The following ABHD18 variants were observed in gnomAD, a reference collection of about 807,000 sequenced individuals.
The protein encoded by ABHD18 is cardiolipin-specific deacylase, mitochondrial.
In ABHD18, 55 loss-of-function variants were observed where a neutral mutation model predicts 65.9. The ratio of observed to expected loss-of-function variants is 0.84; its 90% confidence interval spans 0.67 to 1.05. The LOEUF (loss-of-function observed/expected upper bound fraction) is 1.05, where lower values mean the gene tolerates loss of function less well. Ranked by LOEUF, ABHD18 falls within the 50% of genes least tolerant of loss-of-function variation. The pLI is 0.00. For synonymous variants in ABHD18, 181 were observed against 180.2 expected (o/e 1.00, Z -0.04); for missense variants, 533 against 558.5 (o/e 0.95, Z 0.46).
chr4:127,997,766 C>G (rs1358806154), intron 4 of ABHD18, among the ~76,000 whole-genome samples: 2 of 152,162 alleles, frequency 1.3e-5, no homozygotes, highest in Non-Finnish European at 2.9e-5. Flanking sequence ...TACTAGCTCT[C>G]ATCTTCCTCC....
chr4:127,996,943 C>T (rs1279216622), intron 4 of ABHD18, among the ~76,000 whole-genome samples: 2 of 152,182 alleles, frequency 1.3e-5, no homozygotes, highest in Non-Finnish European at 2.9e-5. Flanking sequence ...TTTCAGGGTG[C>T]ACTGATTTCA....
intron 1 of ABHD18, among the ~76,000 whole-genome samples, chr4:127,973,691 C>A (rs1747293043): frequency 6.6e-6 from 1 of 151,936 alleles, no homozygotes. Context: ...CTGTGGCTCA[C>A]ACTTATTTTC....
intron 4 of ABHD18, among the ~76,000 whole-genome samples, chr4:127,998,762 T>C (rs959808048): frequency 6.6e-6 from 1 of 152,134 alleles, no homozygotes; most frequent in Admixed American, 6.5e-5. Context: ...GGCAAAGAAC[T>C]AAATAAGATA....
At chr4:127,973,788 G>T (rs1747316471) in intron 1 of ABHD18, among the ~76,000 whole-genome samples, 1 of 134,140 alleles carries the variant, frequency 7.5e-6, no homozygotes, top group African/African-American at 2.9e-5. Flanking sequence ...GCCTCCAGGA[G>T]CAGAGGCTGG....
intron 4 of ABHD18, chr4:128,001,824 A>T (rs747389368): frequency 2.8e-6 from 4 of 1,442,898 alleles, no homozygotes; most frequent in African/African-American, 1.6e-5. Context: ...TAGTGGTTAG[A>T]TGTTGAGTTT....
intron 4 of ABHD18, among the ~76,000 whole-genome samples, chr4:127,998,388 C>T (rs966419940): frequency 4.0e-5 from 6 of 151,084 alleles, no homozygotes; most frequent in South Asian, 4.2e-4. Flanking sequence ...CTCCTGTTCC[C>T]GCCACCACAC....
At chr4:128,034,026 T>C (rs1307087385) in intron 12 of ABHD18, among the ~76,000 whole-genome samples, 2 of 149,894 alleles carry the variant, frequency 1.3e-5, no homozygotes, top group Admixed American at 6.7e-5. Context: ...TGGCGCGATC[T>C]TGGCTCACTG....
At position 128,028,494 on chromosome 4, in the gene ABHD18, G is replaced by C; in HGVS notation, c.821G>C (p.Gly274Ala). The change falls in exon 11 of 13, where the codon GGA becomes GCA. Residue 274 changes from glycine (G) to alanine (A), a missense_variant. Gly to Ala is a moderately conservative substitution (Grantham distance 60). Coordinates refer to ENST00000645843, the MANE Select transcript of ABHD18 (RefSeq NM_001358451.3). ...EYCGTDSFKM[G>A]QEFVKHFTSS... ...GTTCAGACAGATTCTTTCAAAATGG[G>C]ACAAGAGTTTGTGAAACACTTCACT... is the stretch of plus-strand genomic sequence containing the variant. 6.4e-7 allele frequency: 1 copy of C among 1,570,720 alleles called. No individual in the cohort carries two copies. The highest frequency in any genetic ancestry group is 8.6e-7 in the Non-Finnish European group (1 of 1,161,612).
At chr4:128,017,020 C>T (rs974579851) in intron 7 of ABHD18, among the ~76,000 whole-genome samples, 15 of 152,104 alleles carry the variant, frequency 9.9e-5, no homozygotes, top group South Asian at 4.1e-4. Context: ...CAGGTTCAAG[C>T]GATTTTCATG....
intron 4 of ABHD18, among the ~76,000 whole-genome samples, chr4:128,007,399 T>TA (rs1389448891): frequency 1.4e-5 from 2 of 147,688 alleles, no homozygotes; most frequent in Non-Finnish European, 3.0e-5. Flanking sequence ...TCATATAGGT[T>TA]AAAAGAAAAA....
chr4:127,990,572 T>A (rs1188721430), intron 4 of ABHD18, among the ~76,000 whole-genome samples: 3 of 150,148 alleles, frequency 2.0e-5, no homozygotes, highest in Middle Eastern at 3.4e-3. Flanking sequence ...AAAAAAAAAA[T>A]TTTTTTTTTA....
At chr4:128,005,719 T>C (rs1343043777) in intron 4 of ABHD18, among the ~76,000 whole-genome samples, 2 of 152,158 alleles carry the variant, frequency 1.3e-5, no homozygotes, top group African/African-American at 4.8e-5. Context: ...GCACTAGGAT[T>C]ATAGACATGA....
chr4:127,983,171 A>C lies in ABHD18; in HGVS notation c.92+124A>C, dbSNP rs1324931869. 3 of 598,956 alleles carry C rather than the reference A, an allele frequency of 5.0e-6. No homozygotes were observed. In the East Asian group the frequency reaches 9.4e-5, roughly 19 times the overall value. The allele number at this position is 598,956 out of a possible 1,614,324, so 37.1% of individuals were successfully genotyped here. The stretch of plus-strand genomic sequence containing the variant: ...ATTGTCCAGCAAATTAAACTATGTA[A>C]AATGTAATTATTTCCTTTTTACTTT... On this transcript the variant is annotated intron_variant, in intron 2 of 12. Coordinates refer to ENST00000645843, the MANE Select transcript of ABHD18 (RefSeq NM_001358451.3).
At chr4:128,012,865 A>T (rs1272045689) in intron 7 of ABHD18, among the ~76,000 whole-genome samples, 1 of 152,114 alleles carries the variant, frequency 6.6e-6, no homozygotes, top group East Asian at 1.9e-4. Context: ...CAGTAGTTCG[A>T]GACCAGCCTG....
At position 127,991,444 on chromosome 4, in the gene ABHD18, G is replaced by A. The variant is rs149194977; in HGVS notation, c.278+1623G>A. ...TCAACATGTTGGGCAGGCTGGTCAC[G>A]AACTCCTGACCTCAAATGATCTGCC... On this transcript the variant is annotated intron_variant, in intron 4 of 12. Transcript: ENST00000645843. 3.7e-4 allele frequency among the ~76,000 whole-genome samples: 56 copies of A among 152,154 alleles called. No homozygotes were observed. The East Asian group carries it at 8.7e-3, about 24-fold the overall frequency.
rs1266588013 is a variant in ABHD18, at chr4:127,982,994, TCTC to T, written c.42_44del (p.Leu15del). ...AGTTAGATATTCTATACCGGAGACT[TCTC>T]CTAACAAAACTTTTTATCAGAGGAT... is the stretch of plus-strand genomic sequence containing the variant. On this transcript the variant is annotated inframe_deletion, in exon 2 of 13. Coordinates refer to ENST00000645843, the MANE Select transcript of ABHD18 (RefSeq NM_001358451.3). 1.4e-5 allele frequency: 22 copies of T among 1,566,216 alleles called. No homozygotes were observed. The highest frequency in any genetic ancestry group is 1.7e-4 in the Middle Eastern group (1 of 6,022).
intron 11 of ABHD18, among the ~76,000 whole-genome samples, 167 bp from the exon 12 acceptor site, chr4:128,030,343 T>C (rs929829869): frequency 2.6e-5 from 4 of 152,234 alleles, no homozygotes; most frequent in African/African-American, 9.6e-5. Flanking sequence ...TTTGTATCAT[T>C]TTTAGAATAT....
intron 7 of ABHD18, among the ~76,000 whole-genome samples, chr4:128,017,129 G>T (rs1755650008): frequency 1.3e-5 from 2 of 152,038 alleles, no homozygotes. Flanking sequence ...TGTTGCCCAG[G>T]CTTGTCTTGA....
intron 1 of ABHD18, among the ~76,000 whole-genome samples, chr4:127,970,865 A>G (rs555096480): frequency 6.6e-6 from 1 of 152,008 alleles, no homozygotes; most frequent in Admixed American, 6.6e-5. Flanking sequence ...ACCTGAGGCC[A>G]GGAGTTCCAG....
Sources: allele counts gnomAD v4.1 joint callset (sites outside exome capture counted in the v4.1 genomes callset), GRCh38; gene constraint gnomAD v4.1.1; transcripts MANE v1.5; gene names NCBI Gene and HGNC (gene_info 2026-07-23, HGNC 2026-07-21).